The following RASGRP1 variants were observed in gnomAD, a reference collection of about 807,000 sequenced individuals.
RASGRP1 encodes RAS guanyl releasing protein 1.
RASGRP1 carries 37 observed loss-of-function variants against 95.1 expected under a neutral mutation model. The ratio of observed to expected loss-of-function variants is 0.39; its 90% CI spans 0.30 to 0.51. The LOEUF (loss-of-function observed/expected upper bound fraction) is 0.51, where lower values mean the gene tolerates loss of function less well. Among genes scored for constraint, RASGRP1 ranks in the 20% least tolerant of loss-of-function variants. RASGRP1 has a pLI of 0.80. For synonymous variants in RASGRP1, 325 were observed against 353.4 expected, an observed-to-expected ratio of 0.92 and a Z score of 0.90; for missense variants, 711 against 965.4, an observed-to-expected ratio of 0.74 and a Z score of 3.49.
chr15:38,524,741 G>T (rs1414296993), intron 3 of RASGRP1, among the ~76,000 whole-genome samples: 2 of 152,162 alleles, frequency 1.3e-5, no homozygotes, highest in African/African-American at 4.8e-5. Flanking sequence ...ATGAAGGGGA[G>T]GTAGGGTTAA....
chr15:38,504,649 T>C (rs1439427429), intron 10 of RASGRP1: 3 of 152,304 alleles, frequency 2.0e-5, no homozygotes, highest in African/African-American at 4.8e-5. Flanking sequence ...GTAGAAGGAA[T>C]GCACTCTAAA....
At chr15:38,501,396 T>C in intron 12 of RASGRP1, 109 bp from the exon 13 acceptor site, 1 of 1,269,016 alleles carries the variant, frequency 7.9e-7, no homozygotes, top group Non-Finnish European at 1.1e-6. Context: ...TCCTCAGTGG[T>C]AATATGGTAT....
chr15:38,520,197 A>G lies in RASGRP1; in HGVS notation c.327-826T>C, dbSNP rs749174139. On this transcript the variant is annotated intron_variant, in intron 3 of 16. Coordinates refer to ENST00000310803, the MANE Select transcript of RASGRP1 (RefSeq NM_005739.4). ...CATCAACAGACTGAGGCATCAGGCT[A>G]TGTGGGCTCTGTGCCCGCCCGTAAA... Among the ~76,000 whole-genome samples the G allele has an allele frequency of 2.6e-5, 4 of 152,206 alleles. 1 individual carries two copies. Among genetic ancestry groups the G allele is most frequent in the Non-Finnish European group, 5.9e-5 (4 of 68,018 alleles).
chr15:38,553,314 C>T (rs767345507), intron 2 of RASGRP1, among the ~76,000 whole-genome samples: 7 of 152,208 alleles, frequency 4.6e-5, no homozygotes, highest in Non-Finnish European at 8.8e-5. Flanking sequence ...TGACCTTCTC[C>T]AGGGGTCTCA....
At chr15:38,498,663 G>T in intron 15 of RASGRP1, 131 bp downstream of exon 15, 1 of 1,112,430 alleles carries the variant, frequency 9.0e-7, no homozygotes, top group Non-Finnish European at 1.3e-6. Flanking sequence ...CTGTGGGAGG[G>T]GTCAGCCCTG....
At chr15:38,542,857 ATATACACATATATGTG>A (rs1175923666) in intron 2 of RASGRP1, among the ~76,000 whole-genome samples, 1 of 122,962 alleles carries the variant, frequency 8.1e-6, no homozygotes, top group Non-Finnish European at 1.6e-5. Context: ...ATGTGTATAT[ATATACACATATATGTG>A]TATATATATA....
chr15:38,562,429 C>A (rs958245367), intron 1 of RASGRP1, among the ~76,000 whole-genome samples: 1 of 152,152 alleles, frequency 6.6e-6, no homozygotes, highest in African/African-American at 2.4e-5. Flanking sequence ...CCCTTGTGGC[C>A]CATGCAGTGC....
chr15:38,493,965 A>C (rs910930903), intron 16 of RASGRP1, among the ~76,000 whole-genome samples: 2 of 152,234 alleles, frequency 1.3e-5, no homozygotes, highest in African/African-American at 4.8e-5. Flanking sequence ...AGGAGGATTT[A>C]GGCAAGTTCA....
rs56413904 is a variant in RASGRP1 at position 38,564,726 on chromosome 15, C to A, written c.-98G>T. The stretch of plus-strand genomic sequence containing the variant: ...GCCGCCGCCTGCCGGCTCTCTCCCC[C>A]CCGGGCCTCGTAGCCCCGGCGCCCG... On this transcript the variant is annotated 5_prime_UTR_variant, in exon 1 of 17. Coordinates refer to ENST00000310803, the MANE Select transcript of RASGRP1 (RefSeq NM_005739.4). The A allele has an allele frequency of 9.9e-4, 1,046 of 1,060,170 alleles. 10 individuals carry two copies. In the South Asian group the frequency reaches 0.011, roughly 11 times the overall value. 65.7% of individuals were successfully genotyped at this position (1,060,170 alleles called of 1,614,324 possible). A position where few individuals can be genotyped will look rare whatever the true frequency, so the allele number is the denominator to read the frequency against.
chr15:38,543,641 TTTTTTTC>T (rs896735448), intron 2 of RASGRP1, among the ~76,000 whole-genome samples: 2 of 143,054 alleles, frequency 1.4e-5, no homozygotes, highest in African/African-American at 5.8e-5. Context: ...TCTTTTTTTC[TTTTTTTC>T]TTTTTTTTTT....
At chr15:38,501,523 A>G (rs774021075) in intron 12 of RASGRP1, 16 of 647,954 alleles carry the variant, frequency 2.5e-5, no homozygotes, top group Non-Finnish European at 4.2e-5. Context: ...TGGCCAAACT[A>G]GGTTTCCCTA....
chr15:38,517,792 TATAA>T (rs1285690894), intron 5 of RASGRP1, among the ~76,000 whole-genome samples: 2 of 152,198 alleles, frequency 1.3e-5, no homozygotes, highest in African/African-American at 4.8e-5. Flanking sequence ...GGGTCAGTCT[TATAA>T]ATAAGAATTC....
chr15:38,500,508 A>G (rs1890971716), intron 13 of RASGRP1, among the ~76,000 whole-genome samples: 2 of 151,442 alleles, frequency 1.3e-5, no homozygotes, highest in South Asian at 2.1e-4. Flanking sequence ...ACACCTGGCT[A>G]AATTTTTTTG....
intron 16 of RASGRP1, 81 bp from the exon 17 acceptor site, chr15:38,490,769 T>C (rs551914785): frequency 7.8e-6 from 11 of 1,416,648 alleles, no homozygotes; most frequent in Non-Finnish European, 1.1e-5. Flanking sequence ...CTACTTTTGA[T>C]TGGCATTTCC....
At chr15:38,558,485 C>T (rs1893663837) in intron 2 of RASGRP1, among the ~76,000 whole-genome samples, 1 of 152,146 alleles carries the variant, frequency 6.6e-6, no homozygotes, top group Non-Finnish European at 1.5e-5. Context: ...CTACAACAAA[C>T]AGCACTTTAA....
chr15:38,496,246 C>T (rs2141079924), intron 15 of RASGRP1, among the ~76,000 whole-genome samples: 1 of 152,092 alleles, frequency 6.6e-6, no homozygotes, highest in African/African-American at 2.4e-5. Context: ...ATAAATAGAC[C>T]TTGACTTTTA....
At chr15:38,558,068 C>T (rs892828728) in intron 2 of RASGRP1, among the ~76,000 whole-genome samples, 1 of 152,032 alleles carries the variant, frequency 6.6e-6, no homozygotes. Context: ...ACATGTTTCT[C>T]GTCCCTCTTT....
At chr15:38,526,500 T>C (rs1892225487) in intron 2 of RASGRP1, 96 bp from the exon 3 acceptor site, 8 of 834,326 alleles carry the variant, frequency 9.6e-6, no homozygotes, top group Admixed American at 2.3e-5. Context: ...GGTGCAATCC[T>C]TCAGGCACAG....
At chr15:38,515,585 C>A (rs576656226) in intron 6 of RASGRP1, among the ~76,000 whole-genome samples, 2 of 152,176 alleles carry the variant, frequency 1.3e-5, no homozygotes, top group African/African-American at 4.8e-5. Flanking sequence ...TTAGTTGCCC[C>A]AGTTGAAAGG....
Sources: gnomAD v4.1 joint callset for allele counts (sites outside exome capture counted in the v4.1 genomes callset) on GRCh38, gnomAD v4.1.1 for gene constraint, MANE v1.5 for transcripts, NCBI Gene and HGNC (gene_info 2026-07-23, HGNC 2026-07-21) for gene names.